DYNC1LI1: variants seen among roughly 807,000 people sequenced by gnomAD.
DYNC1LI1 encodes the protein cytoplasmic dynein 1 light intermediate chain 1.
DYNC1LI1 carries 19 observed loss-of-function variants against 63.8 expected under a neutral mutation model. The ratio of observed to expected loss-of-function variants is 0.30; its 90% CI spans 0.21 to 0.44. DYNC1LI1 has a LOEUF of 0.44. DYNC1LI1 is among the 20% of genes least tolerant of loss of function. The pLI is 1.00. For missense variants in DYNC1LI1, 565 were observed against 630.2 expected, an observed-to-expected ratio of 0.90 and a Z score of 1.11; for synonymous variants, 225 against 232.3, an observed-to-expected ratio of 0.97 and a Z score of 0.28.
chr3:32,565,612 TTTTC>T (rs1350230631), intron 2 of DYNC1LI1, among the ~76,000 whole-genome samples: 3 of 152,084 alleles, frequency 2.0e-5, no homozygotes, highest in African/African-American at 7.2e-5. Flanking sequence ...GCTGCACAAT[TTTTC>T]TTTCTTTTTT....
At chr3:32,564,194 T>A (rs1698229224) in intron 2 of DYNC1LI1, among the ~76,000 whole-genome samples, 1 of 152,326 alleles carries the variant, frequency 6.6e-6, no homozygotes, top group Middle Eastern at 3.4e-3. Flanking sequence ...GTCCTGTATA[T>A]TCCCAGTTAC....
At chr3:32,558,633 G>T (rs1698148768) in intron 2 of DYNC1LI1, among the ~76,000 whole-genome samples, 1 of 151,972 alleles carries the variant, frequency 6.6e-6, no homozygotes, top group African/African-American at 2.4e-5. Context: ...ATCATCTGAG[G>T]TTGGGAGTTC....
At chr3:32,539,388 AC>A (rs1413972023) in intron 5 of DYNC1LI1, among the ~76,000 whole-genome samples, 1 of 152,084 alleles carries the variant, frequency 6.6e-6, no homozygotes, top group Non-Finnish European at 1.5e-5. Context: ...CTTTAATTTT[AC>A]ATGTGCAAAT....
intron 2 of DYNC1LI1, among the ~76,000 whole-genome samples, chr3:32,552,274 C>T (rs1698053271): frequency 6.6e-6 from 1 of 152,148 alleles, no homozygotes. Flanking sequence ...CAAGTATTTA[C>T]TATTCATTCA....
At chr3:32,537,929 A>ATATATATATAATTTATATATATAATT in intron 5 of DYNC1LI1, among the ~76,000 whole-genome samples, 1 of 25,410 alleles carries the variant, frequency 3.9e-5, no homozygotes, top group South Asian at 9.2e-4. Context: ...TATATATAAT[A>ATATATATATAATTTATATATATAATT]TATATATAAT....
intron 2 of DYNC1LI1, among the ~76,000 whole-genome samples, chr3:32,548,928 C>T (rs1385743249): frequency 1.3e-5 from 2 of 151,852 alleles, no homozygotes; most frequent in East Asian, 1.9e-4. Flanking sequence ...TTACAAAGTA[C>T]CATTAAACTG....
intron 2 of DYNC1LI1, among the ~76,000 whole-genome samples, chr3:32,568,796 A>C (rs1319987539): frequency 1.3e-5 from 2 of 152,242 alleles, no homozygotes; most frequent in Non-Finnish European, 2.9e-5. Context: ...CAGTGTTTCC[A>C]AATATTTAAT....
chr3:32,535,759 T>C (rs1411298060), intron 6 of DYNC1LI1, among the ~76,000 whole-genome samples: 1 of 152,210 alleles, frequency 6.6e-6, no homozygotes, highest in African/African-American at 2.4e-5. Flanking sequence ...CACTGATAAA[T>C]ACATACCTCA....
chr3:32,545,803 C>T, intron 3 of DYNC1LI1, 46 bp downstream of exon 3: 1 of 1,289,904 alleles, frequency 7.8e-7, no homozygotes. Context: ...AATGGCAGTG[C>T]ACCTCAAAAT....
chr3:32,539,001 G>C (rs111367628), intron 5 of DYNC1LI1, among the ~76,000 whole-genome samples: 5 of 151,970 alleles, frequency 3.3e-5, no homozygotes, highest in Non-Finnish European at 1.5e-5. Flanking sequence ...TACTGATTCC[G>C]GACCCTTTAA....
intron 2 of DYNC1LI1, among the ~76,000 whole-genome samples, chr3:32,547,417 A>C (rs1697970783): frequency 6.6e-6 from 1 of 152,228 alleles, no homozygotes; most frequent in Non-Finnish European, 1.5e-5. Context: ...CTTATTCCTG[A>C]AGATCTATGA....
chr3:32,533,196 T>G, intron 7 of DYNC1LI1, 99 bp from the exon 8 acceptor site: 1 of 1,408,604 alleles, frequency 7.1e-7, no homozygotes. Flanking sequence ...TGAAGTCAAT[T>G]TGAACAATTA....
At chr3:32,542,869 T>A (rs562945215) in intron 4 of DYNC1LI1, among the ~76,000 whole-genome samples, 52 of 152,188 alleles carry the variant, frequency 3.4e-4, no homozygotes, top group Admixed American at 6.5e-4. Flanking sequence ...GAATAGGGAA[T>A]CCCGAACAGG....
At chr3:32,547,724 T>C (rs1004390745) in intron 2 of DYNC1LI1, among the ~76,000 whole-genome samples, 1 of 152,136 alleles carries the variant, frequency 6.6e-6, no homozygotes, top group Non-Finnish European at 1.5e-5. Flanking sequence ...CAGCAATAAG[T>C]GTAACCTTAA....
At chr3:32,530,418 A>G in intron 9 of DYNC1LI1, 43 bp downstream of exon 9, 1 of 1,604,666 alleles carries the variant, frequency 6.2e-7, no homozygotes, top group Non-Finnish European at 8.5e-7. Flanking sequence ...AGAACAGTTT[A>G]CCCATTAACC....
At chr3:32,542,749 C>T (rs1697899481) in intron 4 of DYNC1LI1, among the ~76,000 whole-genome samples, 1 of 152,118 alleles carries the variant, frequency 6.6e-6, no homozygotes, top group Non-Finnish European at 1.5e-5. Flanking sequence ...TTATTACTTA[C>T]TTAGAAAAAA....
intron 3 of DYNC1LI1, 156 bp downstream of exon 3, chr3:32,545,693 T>A: frequency 1.5e-6 from 1 of 661,772 alleles, no homozygotes; most frequent in South Asian, 1.7e-5. Context: ...AATCCCAAAT[T>A]AATAAAAGTA....
At position 32,570,309 on chromosome 3, in the gene DYNC1LI1, G is replaced by A. The variant is rs546435665; in HGVS notation, c.220+37C>T. ...CGGACCAGGTACCCCGGGCCGCTGG[G>A]GGCCGGGCGGGGCGGGGCGAGGCAG... is the stretch of plus-strand genomic sequence containing the variant. On this transcript the variant is annotated intron_variant, in intron 2 of 12. Transcript: ENST00000273130. 1.1e-5 allele frequency: 16 copies of A among 1,511,250 alleles called. No individual in the cohort carries two copies. The South Asian group carries it at 1.1e-4, about 10-fold the overall frequency. 93.6% of individuals were successfully genotyped at this position (1,511,250 alleles called of 1,614,324 possible).
At chr3:32,557,958 T>C (rs1186740434) in intron 2 of DYNC1LI1, among the ~76,000 whole-genome samples, 1 of 152,244 alleles carries the variant, frequency 6.6e-6, no homozygotes, top group African/African-American at 2.4e-5. Context: ...ATTTTCTGAA[T>C]ATTTTATCTA....
Sources: allele counts gnomAD v4.1 joint callset (sites outside exome capture counted in the v4.1 genomes callset), GRCh38; gene constraint gnomAD v4.1.1; transcripts MANE v1.5; gene names NCBI Gene and HGNC (gene_info 2026-07-23, HGNC 2026-07-21).